The following NRXN3 variants were observed in gnomAD, a reference collection of about 807,000 sequenced individuals.
NRXN3 encodes the protein neurexin III.
Under a neutral mutation model 137.6 loss-of-function variants are expected in NRXN3, and 32 were observed. That is an observed-to-expected ratio of 0.23 (90% CI 0.18 to 0.31). The LOEUF (loss-of-function observed/expected upper bound fraction) is 0.31. Among genes scored for constraint, NRXN3 ranks in the 10% least tolerant of loss-of-function variants. The pLI is 1.00. For synonymous variants in NRXN3, 798 were observed against 784.5 expected (o/e 1.02, Z -0.29); for missense variants, 1,574 against 2,062.5 (o/e 0.76, Z 4.59).
chr14:78,759,885 C>T (rs180987657), intron 8 of NRXN3, among the ~76,000 whole-genome samples: 43 of 152,146 alleles, frequency 2.8e-4, no homozygotes, highest in Non-Finnish European at 4.7e-4. Flanking sequence ...TAGCCACTGT[C>T]AATCCATTTA....
chr14:79,025,319 T>C lies in NRXN3; in HGVS notation c.3262+37178T>C, dbSNP rs562513790. On this transcript the variant is annotated intron_variant, in intron 15 of 20. Transcript: ENST00000335750. ...ATACTACTTTGACACAAGGCTGCCATCTTACTGTTGGAACTCTCCACTGTT... is the reference window on the plus strand; with the variant it reads ...ATACTACTTTGACACAAGGCTGCCACCTTACTGTTGGAACTCTCCACTGTT... 5.9e-5 allele frequency among the ~76,000 whole-genome samples: 9 copies of C among 152,302 alleles called. No homozygotes were observed. In the East Asian group the frequency reaches 1.7e-3, roughly 29 times the overall value.
intron 19 of NRXN3, among the ~76,000 whole-genome samples, chr14:79,719,251 A>ATGTGTG (rs4016617): frequency 1.1e-4 from 16 of 149,044 alleles, no homozygotes; most frequent in Middle Eastern, 3.5e-3. Flanking sequence ...ATAGACATAT[A>ATGTGTG]TGTGTGTGTG....
intron 15 of NRXN3, among the ~76,000 whole-genome samples, chr14:79,096,059 CCT>C (rs986519658): frequency 6.6e-6 from 1 of 151,554 alleles, no homozygotes; most frequent in Non-Finnish European, 1.5e-5. Flanking sequence ...TCCTGAGGCC[CCT>C]CCTCCTTCCC....
chr14:78,837,095 G>T (rs922263395), intron 10 of NRXN3, among the ~76,000 whole-genome samples: 2 of 152,196 alleles, frequency 1.3e-5, no homozygotes, highest in Non-Finnish European at 2.9e-5. Context: ...GGAGATTAGT[G>T]TGAGAGGCTA....
At chr14:79,654,630 A>G (rs922032464) in intron 16 of NRXN3, among the ~76,000 whole-genome samples, 4 of 152,182 alleles carry the variant, frequency 2.6e-5, no homozygotes, top group East Asian at 3.9e-4. Flanking sequence ...CAACTTTTGC[A>G]TATTCATACC....
chr14:79,200,828 ATTTTTTTTTTTTT>A (rs56194422), intron 15 of NRXN3, among the ~76,000 whole-genome samples: 608 of 59,098 alleles, frequency 0.01, 9 homozygotes, highest in African/African-American at 0.035. Context: ...TGTGAGCTGT[ATTTTTTTTTTTTT>A]TTTTTTTTTT....
intron 16 of NRXN3, among the ~76,000 whole-genome samples, chr14:79,530,562 CTGTT>C (rs1262896900): frequency 6.7e-6 from 1 of 149,332 alleles, no homozygotes; most frequent in African/African-American, 2.5e-5. Flanking sequence ...TCTGCTCTCT[CTGTT>C]TGGATTTGAA....
chr14:78,611,100 A>G (rs904196812), intron 4 of NRXN3, among the ~76,000 whole-genome samples: 4 of 152,170 alleles, frequency 2.6e-5, no homozygotes, highest in African/African-American at 9.7e-5. Context: ...AGGTTCACCA[A>G]GAAACAACCG....
intron 16 of NRXN3, among the ~76,000 whole-genome samples, chr14:79,593,013 A>C (rs8021958): frequency 0.35 from 52,848 of 152,070 alleles, 9,814 homozygotes; most frequent in Middle Eastern, 0.48. Flanking sequence ...AACATATACT[A>C]ATCACTTGTT....
rs1452156474 is a variant in NRXN3 at position 78,592,555 on chromosome 14, G to A, written c.758-52565G>A. On this transcript the variant is annotated intron_variant, in intron 4 of 20. Coordinates refer to ENST00000335750, the MANE Select transcript of NRXN3 (RefSeq NM_001330195.2). ...GTCTTTCTGCCTGGATATATCAACTGAGGGATGAACGGTGAGAGAATATAA... is the reference window on the plus strand; with the variant it reads ...GTCTTTCTGCCTGGATATATCAACTAAGGGATGAACGGTGAGAGAATATAA... Among the ~76,000 whole-genome samples, 5 of 152,194 alleles carry A rather than the reference G, an allele frequency of 3.3e-5. No individual in the cohort carries two copies. The East Asian group carries it at 9.6e-4, about 29-fold the overall frequency.
At chr14:79,326,639 C>T (rs2090915417) in intron 15 of NRXN3, among the ~76,000 whole-genome samples, 1 of 152,152 alleles carries the variant, frequency 6.6e-6, no homozygotes, top group African/African-American at 2.4e-5. Context: ...CTGTCTCTTT[C>T]ATTCTCATCT....
chr14:78,748,717 G>A (rs1179240583), intron 8 of NRXN3, among the ~76,000 whole-genome samples: 1 of 152,090 alleles, frequency 6.6e-6, no homozygotes, highest in East Asian at 1.9e-4. Flanking sequence ...GAGCTATAGA[G>A]GAAGAGGAAA....
chr14:78,282,642 G>C (rs2074562880), intron 3 of NRXN3, among the ~76,000 whole-genome samples: 1 of 152,164 alleles, frequency 6.6e-6, no homozygotes. Context: ...GTCTGCTGTT[G>C]CCAAAGGAAC....
chr14:78,456,675 G>A (rs2094711743), intron 4 of NRXN3, among the ~76,000 whole-genome samples: 1 of 151,448 alleles, frequency 6.6e-6, no homozygotes, highest in East Asian at 1.9e-4. Context: ...TTCTTATTCT[G>A]TTCCTTATCC....
intron 4 of NRXN3, among the ~76,000 whole-genome samples, chr14:78,458,892 A>C (rs970533921): frequency 6.6e-6 from 1 of 152,184 alleles, no homozygotes; most frequent in Non-Finnish European, 1.5e-5. Context: ...GCAGGTGAAC[A>C]TTTGCTTGGA....
At chr14:78,197,793 C>G (rs2061357469) in intron 1 of NRXN3, among the ~76,000 whole-genome samples, 1 of 152,180 alleles carries the variant, frequency 6.6e-6, no homozygotes, top group African/African-American at 2.4e-5. Context: ...TCCTCTCCTG[C>G]TCAGATCAGG....
chr14:79,328,903 G>A (rs942352253), intron 15 of NRXN3, among the ~76,000 whole-genome samples: 1 of 152,126 alleles, frequency 6.6e-6, no homozygotes, highest in Non-Finnish European at 1.5e-5. Context: ...TTCCTAATGA[G>A]TAAGAAAAGA....
chr14:78,447,183 T>C (rs1363949854), intron 4 of NRXN3, among the ~76,000 whole-genome samples: 1 of 152,230 alleles, frequency 6.6e-6, no homozygotes, highest in Admixed American at 6.5e-5. Context: ...TCTGTTGCAG[T>C]GTTCCCATTG....
chr14:78,875,052 G>A (rs1596786925), intron 10 of NRXN3, among the ~76,000 whole-genome samples: 1 of 152,338 alleles, frequency 6.6e-6, no homozygotes, highest in East Asian at 1.9e-4. Context: ...AATGTGAAGA[G>A]GGTGGGGAGT....
Sources: allele counts gnomAD v4.1 joint callset (sites outside exome capture counted in the v4.1 genomes callset), GRCh38; gene constraint gnomAD v4.1.1; transcripts MANE v1.5; gene names NCBI Gene and HGNC (gene_info 2026-07-23, HGNC 2026-07-21).